Variants in DHX37 observed in about 807,000 individuals in gnomAD.
DHX37 encodes DEAH-box helicase 37.
In DHX37, 52 loss-of-function variants were observed where a neutral mutation model predicts 134.3. The ratio of observed to expected loss-of-function variants is 0.39; its 90% CI spans 0.31 to 0.49. DHX37 has a LOEUF of 0.49. DHX37 is among the 20% of genes least tolerant of loss of function. DHX37 has a pLI of 0.93. For missense variants in DHX37, 1,344 were observed against 1,580.8 expected (o/e 0.85, Z 2.54); for synonymous variants, 634 against 670.7 (o/e 0.95, Z 0.85).
chr12:124,980,836 T>A lies in DHX37; in HGVS notation c.392A>T (p.Lys131Met), dbSNP rs764453918. 6.4e-7 allele frequency: 1 copy of A among 1,550,404 alleles called. No homozygotes were observed. Among genetic ancestry groups the A allele is most frequent in the Admixed American group, 1.9e-5 (1 of 52,626 alleles). ...TGNRMYHTKEKADEVVAPGQE... is the reference protein window; with the variant it reads ...TGNRMYHTKEMADEVVAPGQE... ...GCCCGGGGCTACCACCTCGTCAGCC[T>A]TCCTGTTGAGATAGCAGAGACTTCA... is the stretch of plus-strand genomic sequence containing the variant. Residue 131 changes from lysine to methionine, a missense_variant and splice_region_variant, in exon 4 of 27, where the codon AAG becomes ATG. Physicochemically the swap from Lys to Met is moderately conservative, Grantham distance 95. Around this residue, in one of 7 missense-constraint regions of DHX37, gnomAD observed 319 missense variants for 296.1 expected, o/e 1.08. Coordinates refer to ENST00000308736, the MANE Select transcript of DHX37 (RefSeq NM_032656.4). The surrounding 1 kb of genome is among the most constrained non-coding windows in gnomAD (Gnocchi z 5.3).
At chr12:124,978,932 A>C (rs1423038933) in intron 4 of DHX37, among the ~76,000 whole-genome samples, 1 of 126,514 alleles carries the variant, frequency 7.9e-6, no homozygotes, top group Admixed American at 7.4e-5. Context: ...ACACTGTCTC[A>C]AAAAAAAAAA....
chr12:124,982,710 C>A, intron 2 of DHX37, 87 bp from the exon 3 acceptor site: 2 of 1,542,620 alleles, frequency 1.3e-6, no homozygotes, highest in South Asian at 1.2e-5. Context: ...ATTTCAGCAT[C>A]ATTAACACCT....
At position 124,972,618 on chromosome 12, in the gene DHX37, G is replaced by T; in HGVS notation, c.981-19C>A. On this transcript the variant is annotated intron_variant, in intron 6 of 26. Transcript: ENST00000308736. Reference sequence around the variant, plus strand: ...GACGACCCTGTATGGGCAGAGTTCGGGTTAGGGCAGAGCCGTGCCTGGCTG... The same window carrying T: ...GACGACCCTGTATGGGCAGAGTTCGTGTTAGGGCAGAGCCGTGCCTGGCTG... 1 of 1,613,490 alleles carries T rather than the reference G, an allele frequency of 6.2e-7. No individual in the cohort carries two copies. The highest frequency in any genetic ancestry group is 8.5e-7 in the Non-Finnish European group (1 of 1,179,436).
Position 124,986,201 on chromosome 12 carries a change from C to A in DHX37, c.171G>T (p.Lys57Asn), listed in dbSNP as rs1954868988. 1 of 1,614,160 alleles carries A rather than the reference C, an allele frequency of 6.2e-7. No individual in the cohort carries two copies. The highest frequency in any genetic ancestry group is 1.3e-5 in the African/African-American group (1 of 75,052). Residue 57 changes from lysine (K) to asparagine (N), a missense_variant, in exon 2 of 27, where the codon AAG becomes AAT. Coordinates refer to ENST00000308736, the MANE Select transcript of DHX37 (RefSeq NM_032656.4). ...NALVLPGKKKKKTKAPPLSKK... is the reference protein window; with the variant it reads ...NALVLPGKKKNKTKAPPLSKK... Reference sequence around the variant, plus strand: ...TCGACAGGGGAGGGGCTTTGGTCTTCTTTTTCTTCTTCCCCGGTAGAACGA... The same window carrying A: ...TCGACAGGGGAGGGGCTTTGGTCTTATTTTTCTTCTTCCCCGGTAGAACGA...
chr12:124,988,866 G>A (rs1409307394), intron 1 of DHX37, 51 bp downstream of exon 1: 1 of 1,207,634 alleles, frequency 8.3e-7, no homozygotes, highest in African/African-American at 1.6e-5. Context: ...GCAGGGCACA[G>A]GCCGCCCTGG....
chr12:124,948,159 G>A lies in DHX37; in HGVS notation c.3313C>T (p.Leu1105Phe), dbSNP rs756021430. 1.1e-5 allele frequency: 18 copies of A among 1,614,070 alleles called. No homozygotes were observed. Among genetic ancestry groups the A allele is most frequent in the Admixed American group, 6.7e-5 (4 of 60,008 alleles). ...TTCTCTGCAACCAGGGCTCGCAGAA[G>A]GCTCTCCGTACGGGGCTGCAGCCTG... ...WARLQPRTES[L>F]LRALVAEKAD... Residue 1105 changes from leucine (L) to phenylalanine (F), a missense_variant, in exon 26 of 27, where the codon CTT becomes TTT. Coordinates refer to ENST00000308736, the MANE Select transcript of DHX37 (RefSeq NM_032656.4).
chr12:124,951,211 G>T (rs543920575), intron 21 of DHX37, among the ~76,000 whole-genome samples: 9 of 152,076 alleles, frequency 5.9e-5, no homozygotes, highest in Admixed American at 3.3e-4. Context: ...AACCCGGGAG[G>T]TGGAGGTTGC....
intron 10 of DHX37, among the ~76,000 whole-genome samples, chr12:124,967,428 C>T (rs565690817): frequency 7.2e-5 from 11 of 152,312 alleles, no homozygotes; most frequent in African/African-American, 2.6e-4. Flanking sequence ...ACTGCACAGC[C>T]CAGCAGCATC....
At chr12:124,985,429 T>C (rs1167297100) in intron 2 of DHX37, among the ~76,000 whole-genome samples, 1 of 152,078 alleles carries the variant, frequency 6.6e-6, no homozygotes, top group Non-Finnish European at 1.5e-5. Context: ...TGACAAACTT[T>C]TTTCCTCTAT....
At chr12:124,966,707 A>T in intron 12 of DHX37, 86 bp downstream of exon 12, 6 of 1,356,660 alleles carry the variant, frequency 4.4e-6, no homozygotes, top group South Asian at 1.2e-5. Flanking sequence ...TTACACTTAA[A>T]CCTAAGCAGC....
At position 124,949,840 on chromosome 12, in the gene DHX37, G is replaced by T; in HGVS notation, c.3290+146C>A. ...CCCCGAGAGCCGCTGCACAGACCGT[G>T]GCTCTGCAGAGCCTTCAGACCTGAG... is the stretch of plus-strand genomic sequence containing the variant. On this transcript the variant is annotated intron_variant, in intron 25 of 26. Transcript: ENST00000308736. This position sits in a 1 kb window ranked among gnomAD's most constrained non-coding sequence, Gnocchi z 4.0. The T allele has an allele frequency of 2.2e-6, 2 of 902,658 alleles. No individual in the cohort carries two copies. Among genetic ancestry groups the T allele is most frequent in the Non-Finnish European group, 3.3e-6 (2 of 599,848 alleles). 55.9% of individuals were successfully genotyped at this position (902,658 alleles called of 1,614,324 possible). A position where few individuals can be genotyped will look rare whatever the true frequency, so the allele number is the denominator to read the frequency against.
intron 4 of DHX37, among the ~76,000 whole-genome samples, chr12:124,979,778 C>T (rs1391084290): frequency 6.6e-6 from 1 of 152,186 alleles, no homozygotes; most frequent in Non-Finnish European, 1.5e-5. Flanking sequence ...CTCCTTGCCA[C>T]CAGATGGCAC....
rs770905477 is a variant in DHX37 at position 124,988,976 on chromosome 12, G to A, written c.47C>T (p.Ala16Val). Residue 16 changes from alanine (A) to valine (V), a missense_variant, in exon 1 of 27, where the codon GCG (alanine) becomes GTG (valine). Coordinates refer to ENST00000308736, the MANE Select transcript of DHX37 (RefSeq NM_032656.4). ...RRYNIKGRQQ[A>V]GPGPSKGPPE... ...GGGGCCCTTCGAGGGTCCGGGGCCCGCCTGCTGGCGCCCCTTGATGTTGTA... is the reference window on the plus strand; with the variant it reads ...GGGGCCCTTCGAGGGTCCGGGGCCCACCTGCTGGCGCCCCTTGATGTTGTA... The A allele has an allele frequency of 6.6e-6, 9 of 1,354,434 alleles. No individual in the cohort carries two copies. The highest frequency in any genetic ancestry group is 8.6e-6 in the Non-Finnish European group (9 of 1,044,988). The allele number at this position is 1,354,434 out of a possible 1,614,324, so 83.9% of individuals were successfully genotyped here.
rs1420862167 is a variant in DHX37 at position 124,950,760 on chromosome 12, G to T, written c.2913C>A (p.Val971=). 6.2e-7 allele frequency: 1 copy of T among 1,609,704 alleles called. No homozygotes were observed. Among genetic ancestry groups the T allele is most frequent in the Non-Finnish European group, 8.5e-7 (1 of 1,178,970 alleles). The change falls in exon 22 of 27, where the codon GTC becomes GTA. Residue 971 remains valine, a synonymous_variant. Transcript: ENST00000308736. ...DDPVFIHPSS[V]LFKELPEFVV... is the part of the protein sequence containing the mutation. ...CAAACTCGGGGAGCTCTTTGAAAAGGACGGAGCTGGGGTGGATGAAGACAG... is the reference window on the plus strand; with the variant it reads ...CAAACTCGGGGAGCTCTTTGAAAAGTACGGAGCTGGGGTGGATGAAGACAG...
chr12:124,984,324 G>A (rs1263614096), intron 2 of DHX37, among the ~76,000 whole-genome samples: 4 of 152,142 alleles, frequency 2.6e-5, no homozygotes, highest in Non-Finnish European at 5.9e-5. Flanking sequence ...CTTCAGGTTG[G>A]GAGTTCAAGA....
At chr12:124,956,598 T>C in intron 18 of DHX37, 93 bp downstream of exon 18, 1 of 1,417,052 alleles carries the variant, frequency 7.1e-7, no homozygotes, top group South Asian at 1.5e-5. Context: ...AAATGATTCT[T>C]CTACCTCAGC....
intron 14 of DHX37, 98 bp downstream of exon 14, chr12:124,964,832 C>A: frequency 2.1e-6 from 3 of 1,447,458 alleles, no homozygotes; most frequent in South Asian, 2.6e-5. Context: ...GGATGCTGAT[C>A]AAACAGCAGA....
At position 124,960,491 on chromosome 12, in the gene DHX37, G is replaced by C. The variant is rs1404080744; in HGVS notation, c.2046-68C>G. 9.5e-6 allele frequency: 15 copies of C among 1,578,818 alleles called. No homozygotes were observed. In the Admixed American group the frequency reaches 2.2e-4, roughly 23 times the overall value. On this transcript the variant is annotated intron_variant, in intron 15 of 26. Coordinates refer to ENST00000308736, the MANE Select transcript of DHX37 (RefSeq NM_032656.4). ...CAAAAACCACAGATGAATACAGCCT[G>C]GGCAGACAGAAACCGGGACAACAAA...
intron 5 of DHX37, among the ~76,000 whole-genome samples, chr12:124,975,840 GGTCCCA>G (rs1334829384): frequency 2.0e-5 from 3 of 152,186 alleles, no homozygotes; most frequent in Non-Finnish European, 4.4e-5. Flanking sequence ...ATGGGTGGCT[GGTCCCA>G]GCTCTGTGGG....
Sources: gnomAD v4.1 joint callset for allele counts (sites outside exome capture counted in the v4.1 genomes callset) on GRCh38, gnomAD v4.1.1 for gene constraint, gnomAD v4.1.1 regional missense constraint, Gnocchi (gnomAD v3.1) non-coding constraint, MANE v1.5 for transcripts, NCBI Gene and HGNC (gene_info 2026-07-23, HGNC 2026-07-21) for gene names.